The following DNAJB13 variants were observed in gnomAD, a reference collection of about 807,000 sequenced individuals.
DNAJB13 encodes dnaJ homolog subfamily B member 13.
A neutral mutation model predicts 35.6 loss-of-function variants in DNAJB13; 22 were observed. The ratio of observed to expected loss-of-function variants is 0.62; its 90% CI spans 0.44 to 0.88. The LOEUF (loss-of-function observed/expected upper bound fraction) is 0.88. Among genes scored for constraint, DNAJB13 ranks in the 40% least tolerant of loss-of-function variants. The pLI, the probability that DNAJB13 is intolerant of heterozygous loss-of-function variation, is 0.00. For missense variants in DNAJB13, 370 were observed against 384.3 expected, an observed-to-expected ratio of 0.96 and a Z score of 0.31; for synonymous variants, 136 against 144.2, an observed-to-expected ratio of 0.94 and a Z score of 0.41.
rs150343081 is a variant in DNAJB13, at chr11:73,968,069, C to A, written c.607-276C>A. On this transcript the variant is annotated intron_variant, in intron 5 of 7. Coordinates refer to ENST00000339764, the MANE Select transcript of DNAJB13 (RefSeq NM_153614.4). ...GACGCCCAGCTTAGTGTTCCACCTG[C>A]CTGCCGTCTGAGGAAGCCTCTCCGC... The A allele has an allele frequency of 1.1e-3, 548 of 499,900 alleles. 5 individuals are homozygous for A. The East Asian group carries it at 0.017, about 15-fold the overall frequency. The allele number at this position is 499,900 out of a possible 1,614,324, so 31.0% of individuals were successfully genotyped here. A position where few individuals can be genotyped will look rare whatever the true frequency, so the allele number is the denominator to read the frequency against.
intron 1 of DNAJB13, 60 bp downstream of exon 1, chr11:73,951,197 C>A: frequency 6.2e-7 from 1 of 1,600,322 alleles, no homozygotes; most frequent in Non-Finnish European, 8.5e-7. Flanking sequence ...GCCCTCTTCT[C>A]TTCCAAAACG....
At chr11:73,964,852 C>T (rs759512213) in intron 3 of DNAJB13, 26 bp from the exon 4 acceptor site, 5 of 1,604,772 alleles carry the variant, frequency 3.1e-6, no homozygotes, top group Admixed American at 1.7e-5. Flanking sequence ...TACAATTTCT[C>T]TTACTCCTCT....
At chr11:73,964,716 T>C in intron 3 of DNAJB13, 162 bp from the exon 4 acceptor site, 1 of 743,226 alleles carries the variant, frequency 1.3e-6, no homozygotes, top group Non-Finnish European at 2.2e-6. Context: ...GGATGCTGGG[T>C]GTTACACAGG....
intron 1 of DNAJB13, among the ~76,000 whole-genome samples, chr11:73,955,951 G>A (rs1314095399): frequency 6.6e-6 from 1 of 152,034 alleles, no homozygotes; most frequent in Admixed American, 6.6e-5. Context: ...GGATGGAGGG[G>A]CAGTTGCAGG....
In DNAJB13 at chr11:73,966,261, G is replaced by A. The variant is rs1406870791; in HGVS notation, c.606+10G>A. The A allele has an allele frequency of 6.2e-7, 1 of 1,608,010 alleles. No homozygotes were observed. Among genetic ancestry groups the A allele is most frequent in the Non-Finnish European group, 8.5e-7 (1 of 1,177,100 alleles). The stretch of plus-strand genomic sequence containing the variant: ...GAAGGAAGGGGACCAGGTGAGGGGG[G>A]AAGAAGCTGACTCAGGTCAGTCACT... On this transcript the variant is annotated intron_variant, in intron 5 of 7. Coordinates refer to ENST00000339764, the MANE Select transcript of DNAJB13 (RefSeq NM_153614.4).
intron 1 of DNAJB13, among the ~76,000 whole-genome samples, chr11:73,953,699 G>A (rs1032578346): frequency 6.6e-6 from 1 of 152,104 alleles, no homozygotes; most frequent in African/African-American, 2.4e-5. Flanking sequence ...TTCAGGCCTG[G>A]CGCTGGGCTG....
chr11:73,964,812 T>TGTGTGTGTGTGTGTGTGTGC (rs1491290663), intron 3 of DNAJB13, 66 bp from the exon 4 acceptor site: 1 of 656,216 alleles, frequency 1.5e-6, no homozygotes, highest in African/African-American at 2.3e-5. Context: ...TGTGTGTGTG[T>TGTGTGTGTGTGTGTGTGTGC]GCGCGCGCGC....
chr11:73,951,844 C>T (rs964120697), intron 1 of DNAJB13, among the ~76,000 whole-genome samples: 1 of 152,142 alleles, frequency 6.6e-6, no homozygotes, highest in African/African-American at 2.4e-5. Flanking sequence ...TGGGGTTTCT[C>T]CTTTTTGGTC....
chr11:73,963,044 G>A (rs1347533481), intron 3 of DNAJB13, among the ~76,000 whole-genome samples: 1 of 151,872 alleles, frequency 6.6e-6, no homozygotes, highest in Admixed American at 6.6e-5. Flanking sequence ...CTTTGCAATC[G>A]GCCGGGCATG....
At chr11:73,967,183 T>C (rs1425123341) in intron 5 of DNAJB13, among the ~76,000 whole-genome samples, 2 of 151,642 alleles carry the variant, frequency 1.3e-5, no homozygotes, top group African/African-American at 4.8e-5. Flanking sequence ...TTTATAGAGA[T>C]AGGGTTTCTC....
Position 73,954,629 on chromosome 11 carries a change from C to CAAAA in DNAJB13, c.68+3501_68+3504dup, listed in dbSNP as rs371177631. On this transcript the variant is annotated intron_variant, in intron 1 of 7. Transcript: ENST00000339764. ...TGGGCAACAGAGTGAGACTCCGTCT[C>CAAAA]AAAAAAAAAAAATAAAATAAATAAA... Among the ~76,000 whole-genome samples, 424 of 111,550 alleles carry CAAAA rather than the reference C, an allele frequency of 3.8e-3. 1 individual carries two copies. Among genetic ancestry groups the CAAAA allele is most frequent in the Non-Finnish European group, 5.8e-3 (313 of 54,006 alleles). The allele number at this position is 111,550 out of a possible 152,430, so 73.2% of individuals were successfully genotyped here.
At chr11:73,957,026 C>T (rs1950764111) in intron 1 of DNAJB13, among the ~76,000 whole-genome samples, 1 of 152,088 alleles carries the variant, frequency 6.6e-6, no homozygotes, top group Admixed American at 6.6e-5. Context: ...ACTAGAAAAG[C>T]GGGTGGAGGC....
chr11:73,952,343 T>C (rs1315428469), intron 1 of DNAJB13, among the ~76,000 whole-genome samples: 1 of 152,008 alleles, frequency 6.6e-6, no homozygotes, highest in East Asian at 1.9e-4. Context: ...TGACAATAGG[T>C]GTATGTTTTG....
chr11:73,953,995 T>A (rs1303142554), intron 1 of DNAJB13, among the ~76,000 whole-genome samples: 15 of 116,178 alleles, frequency 1.3e-4, no homozygotes, highest in African/African-American at 5.6e-4. Context: ...TCAAAAATAA[T>A]AATAAAATAA....
chr11:73,953,072 A>T (rs1950625942), intron 1 of DNAJB13, among the ~76,000 whole-genome samples: 1 of 152,168 alleles, frequency 6.6e-6, no homozygotes, highest in African/African-American at 2.4e-5. Flanking sequence ...CAGAAAATTT[A>T]AAAATTAGCT....
rs1565175457 is a variant in DNAJB13 at position 73,964,798 on chromosome 11, TGTGTGTGTGTGTGTGCGC to T, written c.335-78_335-61del. The T allele has an allele frequency of 1.6e-5, 17 of 1,051,680 alleles. 1 individual carries two copies. The highest frequency in any genetic ancestry group is 3.9e-5 in the Admixed American group (2 of 51,380). 65.1% of individuals were successfully genotyped at this position (1,051,680 alleles called of 1,614,324 possible). A position where few individuals can be genotyped will look rare whatever the true frequency, so the allele number is the denominator to read the frequency against. On this transcript the variant is annotated intron_variant, in intron 3 of 7. Transcript: ENST00000339764. ...GTGTGTGTGTGTGTGTGTGTGTGTG[TGTGTGTGTGTGTGTGCGC>T]GCGCGCGCATGTCTGGGTCTCTGGA...
rs113196647 is a variant in DNAJB13 at position 73,954,290 on chromosome 11, C to A, written c.68+3153C>A. Among the ~76,000 whole-genome samples, 441 of 151,448 alleles carry A rather than the reference C, an allele frequency of 2.9e-3. 2 individuals are homozygous for A. The highest frequency in any genetic ancestry group is 9.4e-3 in the African/African-American group (386 of 41,240). On this transcript the variant is annotated intron_variant, in intron 1 of 7. Coordinates refer to ENST00000339764, the MANE Select transcript of DNAJB13 (RefSeq NM_153614.4). ...GCAGTGAGCCGAGATCGTGCCATTG[C>A]ACTCCAGCCTGGGTGACAGAGTGAG...
Position 73,965,021 on chromosome 11 carries a change from A to C in DNAJB13, c.478A>C (p.Lys160Gln), listed in dbSNP as rs1486944228. The stretch of plus-strand genomic sequence containing the variant: ...ATTCTTTGGCTGCACCAAAAAAATT[A>C]AGATCTCCAGAAGGGTGAGTACTCA... ...DLFFGCTKKI[K>Q]ISRRVLNEDG... is the part of the protein sequence containing the mutation. Residue 160 changes from lysine (K) to glutamine (Q), a missense_variant, in exon 4 of 8, where the codon AAG becomes CAG. Lys to Gln is a moderately conservative substitution (Grantham distance 53). Transcript: ENST00000339764. 1 of 1,592,080 alleles carries C rather than the reference A, an allele frequency of 6.3e-7. No homozygotes were observed. Among genetic ancestry groups the C allele is most frequent in the Non-Finnish European group, 8.5e-7 (1 of 1,170,930 alleles).
In DNAJB13 at chr11:73,958,707, G is replaced by A. The variant is rs189302339; in HGVS notation, c.172+287G>A. Among the ~76,000 whole-genome samples the A allele has an allele frequency of 7.0e-3, 1,073 of 152,300 alleles. 14 individuals are homozygous for A. The highest frequency in any genetic ancestry group is 0.02 in the Middle Eastern group (6 of 294). Reference sequence around the variant, plus strand: ...CGCATCCCTATGCCCTGCGGGGACGGGACCTTCCCCGGGAGAAACAGAGTA... The same window carrying A: ...CGCATCCCTATGCCCTGCGGGGACGAGACCTTCCCCGGGAGAAACAGAGTA... On this transcript the variant is annotated intron_variant, in intron 2 of 7. Coordinates refer to ENST00000339764, the MANE Select transcript of DNAJB13 (RefSeq NM_153614.4).
Sources: allele counts gnomAD v4.1 joint callset (sites outside exome capture counted in the v4.1 genomes callset), GRCh38; gene constraint gnomAD v4.1.1; transcripts MANE v1.5; gene names NCBI Gene and HGNC (gene_info 2026-07-23, HGNC 2026-07-21).